Variants in PARD3B observed in about 807,000 individuals in gnomAD.
PARD3B encodes partitioning defective 3 homolog B.
Under a neutral mutation model 130.2 loss-of-function variants are expected in PARD3B, and 103 were observed. The observed-to-expected ratio is 0.79, with a 90% confidence interval of 0.67 to 0.93. PARD3B has a LOEUF of 0.93. PARD3B is among the 40% of genes least tolerant of loss of function. PARD3B has a pLI of 0.00. For missense variants in PARD3B, 1,609 were observed against 1,499.2 expected (o/e 1.07, Z -1.21); for synonymous variants, 583 against 553.2 (o/e 1.05, Z -0.76).
Position 204,750,885 on chromosome 2 carries a change from G to C in PARD3B, c.222+64603G>C, listed in dbSNP as rs563851052. On this transcript the variant is annotated intron_variant, in intron 2 of 22. Transcript: ENST00000406610. The stretch of plus-strand genomic sequence containing the variant: ...TGTAATTTAGGTAACTCTTGCAAAG[G>C]CTTTACATTTTTTTAAAAATGTAAA... Among the ~76,000 whole-genome samples, 145 of 151,942 alleles carry C rather than the reference G, an allele frequency of 9.5e-4. 1 individual carries two copies. Among genetic ancestry groups the C allele is most frequent in the African/African-American group, 3.4e-3 (142 of 41,438 alleles).
At chr2:205,084,955 A>G (rs952846436) in intron 4 of PARD3B, among the ~76,000 whole-genome samples, 8 of 151,984 alleles carry the variant, frequency 5.3e-5, no homozygotes, top group Non-Finnish European at 7.4e-5. Flanking sequence ...GCCACTTTCT[A>G]TGTTCATTTG....
chr2:205,020,004 T>G (rs1696474104), intron 3 of PARD3B, among the ~76,000 whole-genome samples: 1 of 151,986 alleles, frequency 6.6e-6, no homozygotes, highest in Non-Finnish European at 1.5e-5. Context: ...ACACACCCAG[T>G]TTTTCCAGCA....
rs1559460448 is a variant in PARD3B at position 205,121,878 on chromosome 2, C to T, written c.1094C>T (p.Pro365Leu). The T allele has an allele frequency of 6.2e-7, 1 of 1,614,024 alleles. No homozygotes were observed. The highest frequency in any genetic ancestry group is 1.3e-5 in the African/African-American group (1 of 75,002). ...VPRLGGKPSS[P>L]SLSPLMGFGS... The stretch of plus-strand genomic sequence containing the variant: ...AGGCTGGGAGGAAAACCATCCTCTC[C>T]CTCACTCTCGCCTCTCATGGGATTT... Residue 365 changes from proline to leucine, a missense_variant, in exon 8 of 23, where the codon CCC (proline) becomes CTC (leucine). By Grantham distance (98) the Pro-to-Leu change is moderately conservative. Coordinates refer to ENST00000406610, the MANE Select transcript of PARD3B (RefSeq NM_001302769.2). The surrounding 1 kb of genome is among the most constrained non-coding windows in gnomAD (Gnocchi z 5.0).
intron 3 of PARD3B, among the ~76,000 whole-genome samples, chr2:204,987,777 G>A (rs542916232): frequency 6.6e-6 from 1 of 152,022 alleles, no homozygotes; most frequent in South Asian, 2.1e-4. Flanking sequence ...TACAACAAAC[G>A]TGTTAAACAT....
rs114609544 is a variant in PARD3B, at chr2:205,125,892, G to A, written c.1434+155G>A. On this transcript the variant is annotated intron_variant, in intron 10 of 22. Transcript: ENST00000406610. This position sits in a 1 kb window ranked among gnomAD's most constrained non-coding sequence, Gnocchi z 4.0. ...GGTATTTTACCCCATTTGGGGTATC[G>A]CATTTTTAAAACATTGATACAGCCA... is the stretch of plus-strand genomic sequence containing the variant. Among the ~76,000 whole-genome samples, 3 of 152,286 alleles carry A rather than the reference G, an allele frequency of 2.0e-5. No individual in the cohort carries two copies. The highest frequency in any genetic ancestry group is 6.5e-5 in the Admixed American group (1 of 15,296).
At chr2:204,603,605 T>C (rs1055331192) in intron 1 of PARD3B, among the ~76,000 whole-genome samples, 1 of 152,256 alleles carries the variant, frequency 6.6e-6, no homozygotes, top group African/African-American at 2.4e-5. Flanking sequence ...TTATAATCAT[T>C]TGTTACAAAA....
intron 1 of PARD3B, among the ~76,000 whole-genome samples, chr2:204,629,036 AT>A (rs2034586555): frequency 6.6e-6 from 1 of 152,178 alleles, no homozygotes; most frequent in Non-Finnish European, 1.5e-5. Context: ...ACCAGTAAAT[AT>A]CCATATACAG....
chr2:204,655,465 G>A (rs531345009), intron 1 of PARD3B, among the ~76,000 whole-genome samples: 3 of 152,094 alleles, frequency 2.0e-5, no homozygotes, highest in South Asian at 4.2e-4. Context: ...CTGCTGTTAC[G>A]CAAGTGCCAA....
intron 3 of PARD3B, among the ~76,000 whole-genome samples, chr2:205,024,206 C>T (rs1444663405): frequency 6.6e-5 from 8 of 121,830 alleles, no homozygotes; most frequent in Non-Finnish European, 1.1e-4. Flanking sequence ...TCACTTCTGT[C>T]GCCCAGGCTG....
intron 1 of PARD3B, among the ~76,000 whole-genome samples, chr2:204,642,494 T>C (rs1049466868): frequency 6.6e-6 from 1 of 152,090 alleles, no homozygotes; most frequent in Non-Finnish European, 1.5e-5. Context: ...TTAGAAAACT[T>C]TTAGAATTGG....
rs1446971845 is a variant in PARD3B at position 205,407,135 on chromosome 2, A to G, written c.2741+6012A>G. Among the ~76,000 whole-genome samples, 1 of 152,216 alleles carries G rather than the reference A, an allele frequency of 6.6e-6. No homozygotes were observed. The highest frequency in any genetic ancestry group is 1.5e-5 in the Non-Finnish European group (1 of 68,042). On this transcript the variant is annotated intron_variant, in intron 19 of 22. Transcript: ENST00000406610. The surrounding 1 kb of genome is among the most constrained non-coding windows in gnomAD (Gnocchi z 4.1). ...TCATGGCATTGGTTTATGGTAGTGC[A>G]TACACCATTGTTACCTGAGTGTATA...
intron 18 of PARD3B, among the ~76,000 whole-genome samples, chr2:205,374,566 C>A (rs532103553): frequency 9.9e-5 from 15 of 152,218 alleles, no homozygotes; most frequent in Middle Eastern, 6.8e-3. Context: ...TTCTTTCAGT[C>A]TTTTATTCTA....
At chr2:205,293,567 G>A (rs539164477) in intron 16 of PARD3B, 1 of 152,194 alleles carries the variant, frequency 6.6e-6, no homozygotes, top group South Asian at 2.1e-4. Flanking sequence ...ATATTACAAA[G>A]ATAAGTTAAG....
At chr2:205,107,449 T>C (rs1703307848) in intron 5 of PARD3B, among the ~76,000 whole-genome samples, 1 of 152,208 alleles carries the variant, frequency 6.6e-6, no homozygotes, top group Admixed American at 6.5e-5. Flanking sequence ...AAATGAGATA[T>C]AGTACAGACA....
chr2:205,539,283 A>G (rs139334328), intron 21 of PARD3B, among the ~76,000 whole-genome samples: 143 of 152,348 alleles, frequency 9.4e-4, no homozygotes, highest in Middle Eastern at 3.4e-3. Context: ...GTAGTGTTGC[A>G]GATTGAGTCA....
chr2:204,574,966 T>C (rs1559164255), intron 1 of PARD3B, among the ~76,000 whole-genome samples: 3 of 152,236 alleles, frequency 2.0e-5, no homozygotes, highest in Admixed American at 1.3e-4. Context: ...GTTCCAGTTC[T>C]CTACTCTTCA....
At chr2:205,357,018 A>C (rs1363830216) in intron 18 of PARD3B, among the ~76,000 whole-genome samples, 1 of 152,188 alleles carries the variant, frequency 6.6e-6, no homozygotes, top group Non-Finnish European at 1.5e-5. Context: ...TCATTTGCAT[A>C]ATAATTGTAT....
chr2:205,423,612 T>C (rs2047047085), intron 19 of PARD3B, among the ~76,000 whole-genome samples: 1 of 152,104 alleles, frequency 6.6e-6, no homozygotes, highest in Non-Finnish European at 1.5e-5. Flanking sequence ...AATACTGTGG[T>C]TTACATATGT....
chr2:204,679,860 C>G (rs908807370), intron 1 of PARD3B, among the ~76,000 whole-genome samples: 11 of 151,772 alleles, frequency 7.2e-5, no homozygotes, highest in African/African-American at 2.7e-4. Context: ...TGATTTTTGA[C>G]TTTTAAATAA....
Sources: gnomAD v4.1 joint callset for allele counts (sites outside exome capture counted in the v4.1 genomes callset) on GRCh38, gnomAD v4.1.1 for gene constraint, Gnocchi (gnomAD v3.1) non-coding constraint, MANE v1.5 for transcripts, NCBI Gene and HGNC (gene_info 2026-07-23, HGNC 2026-07-21) for gene names.